KCNT2: variants seen among roughly 807,000 people sequenced by gnomAD.
KCNT2 encodes potassium channel subfamily T member 2.
KCNT2 carries 67 observed loss-of-function variants against 153.8 expected under a neutral mutation model. The observed-to-expected ratio is 0.44, with a 90% CI of 0.36 to 0.53. The LOEUF (loss-of-function observed/expected upper bound fraction) is 0.53, where lower values mean the gene tolerates loss of function less well. KCNT2 is among the 20% of genes least tolerant of loss of function. The pLI is 0.00. For synonymous variants in KCNT2, 500 were observed against 458.8 expected, an observed-to-expected ratio of 1.09 and a Z score of -1.15; for missense variants, 975 against 1,354.8, an observed-to-expected ratio of 0.72 and a Z score of 4.40.
chr1:196,321,778 C>T (rs1663341278), intron 19 of KCNT2, among the ~76,000 whole-genome samples: 1 of 151,740 alleles, frequency 6.6e-6, no homozygotes, highest in Non-Finnish European at 1.5e-5. Flanking sequence ...TCTACTACAG[C>T]TATTGAAAAA....
rs757229347 is a variant in KCNT2 at position 196,467,684 on chromosome 1, A to T, written c.543+19T>A. On this transcript the variant is annotated intron_variant, in intron 7 of 27. Coordinates refer to ENST00000294725, the MANE Select transcript of KCNT2 (RefSeq NM_198503.5). ...GGTTTAAAAATATTTTCATATTTGC[A>T]CTTTAATTCTATACTTACAATCATA... The T allele has an allele frequency of 1.4e-6, 2 of 1,448,184 alleles. No individual in the cohort carries two copies. The highest frequency in any genetic ancestry group is 1.9e-6 in the Non-Finnish European group (2 of 1,039,916). 89.7% of individuals were successfully genotyped at this position (1,448,184 alleles called of 1,614,324 possible).
chr1:196,336,433 C>A (rs1233867872), intron 16 of KCNT2, among the ~76,000 whole-genome samples: 1 of 152,144 alleles, frequency 6.6e-6, no homozygotes, highest in Non-Finnish European at 1.5e-5. Flanking sequence ...CAAAATACAT[C>A]TTTTCACTTC....
chr1:196,246,747 G>A (rs1655482121), intron 26 of KCNT2, among the ~76,000 whole-genome samples: 1 of 151,796 alleles, frequency 6.6e-6, no homozygotes, highest in Non-Finnish European at 1.5e-5. Flanking sequence ...CCAGCCTCAT[G>A]GTATTTCAAA....
At chr1:196,278,030 A>T (rs925962823) in intron 25 of KCNT2, among the ~76,000 whole-genome samples, 2 of 152,136 alleles carry the variant, frequency 1.3e-5, no homozygotes, top group African/African-American at 4.8e-5. Context: ...TCATCATGGT[A>T]TCTAAAATCT....
chr1:196,383,789 A>T (rs571850534), intron 13 of KCNT2, among the ~76,000 whole-genome samples: 1 of 152,350 alleles, frequency 6.6e-6, no homozygotes, highest in South Asian at 2.1e-4. Context: ...TATATAAAGT[A>T]GGAAAATGTA....
At chr1:196,603,763 C>G (rs1052030156) in intron 1 of KCNT2, among the ~76,000 whole-genome samples, 2 of 152,204 alleles carry the variant, frequency 1.3e-5, no homozygotes, top group Non-Finnish European at 2.9e-5. Context: ...AAATGACCTT[C>G]TCTTCTATGG....
chr1:196,409,017 T>C (rs2148474922), intron 12 of KCNT2, among the ~76,000 whole-genome samples: 1 of 151,486 alleles, frequency 6.6e-6, no homozygotes, highest in South Asian at 2.1e-4. Flanking sequence ...TGCCATTTTA[T>C]ACTTCATGTA....
intron 14 of KCNT2, among the ~76,000 whole-genome samples, chr1:196,362,247 G>A (rs1667695043): frequency 2.0e-5 from 3 of 151,996 alleles, no homozygotes; most frequent in African/African-American, 4.8e-5. Flanking sequence ...AGGATTAAAG[G>A]GAAACAAAGT....
chr1:196,235,859 A>C (rs1480317831), intron 27 of KCNT2, 127 bp downstream of exon 27: 2 of 552,018 alleles, frequency 3.6e-6, no homozygotes, highest in African/African-American at 3.9e-5. Context: ...TATTTATAAA[A>C]TTAGGTATAG....
intron 1 of KCNT2, among the ~76,000 whole-genome samples, chr1:196,497,455 T>C (rs1336274607): frequency 6.6e-6 from 1 of 152,172 alleles, no homozygotes; most frequent in East Asian, 1.9e-4. Context: ...TTTTATTAGG[T>C]ATTATAAGTA....
intron 25 of KCNT2, among the ~76,000 whole-genome samples, chr1:196,267,064 A>C (rs112615838): frequency 0.05 from 7,678 of 152,210 alleles, 287 homozygotes; most frequent in Non-Finnish European, 0.072. Context: ...AGAACTCAAA[A>C]TTCTCTACCT....
At chr1:196,579,708 G>T (rs186748555) in intron 1 of KCNT2, among the ~76,000 whole-genome samples, 19 of 152,020 alleles carry the variant, frequency 1.2e-4, no homozygotes, top group Admixed American at 7.2e-4. Context: ...GGCCAGGCTG[G>T]TCTGGAACTC....
intron 8 of KCNT2, among the ~76,000 whole-genome samples, chr1:196,432,537 CA>C (rs1674257160): frequency 6.6e-6 from 1 of 152,120 alleles, no homozygotes; most frequent in East Asian, 1.9e-4. Context: ...GACATGGAGT[CA>C]AAAAGTATTC....
chr1:196,486,475 T>C (rs1161069144), intron 3 of KCNT2, among the ~76,000 whole-genome samples: 1 of 151,914 alleles, frequency 6.6e-6, no homozygotes, highest in Non-Finnish European at 1.5e-5. Context: ...ATATAGGAAC[T>C]TAGTAATGTG....
Position 196,469,020 on chromosome 1 carries a change from T to G in KCNT2, c.433A>C (p.Ile145Leu), listed in dbSNP as rs1330064992. 6.2e-7 allele frequency: 1 copy of G among 1,602,576 alleles called. No homozygotes were observed. The highest frequency in any genetic ancestry group is 8.5e-7 in the Non-Finnish European group (1 of 1,172,314). The change falls in exon 6 of 28, where the codon ATT becomes CTT. Residue 145 changes from isoleucine to leucine, a missense_variant. Around this residue, in one of 6 missense-constraint regions of KCNT2, gnomAD observed 140 missense variants for 216.0 expected, o/e 0.65. Transcript: ENST00000294725. ...ILRIPFILEI[I>L]NAVPFIISIF... The stretch of plus-strand genomic sequence containing the variant: ...GAGATAATGAAGGGAACTGCATTAA[T>G]TATTTCCAAGATGAAGGGTATTCGT...
At chr1:196,572,842 T>A (rs1193635651) in intron 1 of KCNT2, among the ~76,000 whole-genome samples, 1 of 152,050 alleles carries the variant, frequency 6.6e-6, no homozygotes, top group Admixed American at 6.6e-5. Flanking sequence ...GTCTAACATA[T>A]AATTTCCAGT....
chr1:196,394,634 A>G (rs1288149963), intron 13 of KCNT2, among the ~76,000 whole-genome samples: 1 of 151,622 alleles, frequency 6.6e-6, no homozygotes, highest in Non-Finnish European at 1.5e-5. Flanking sequence ...ATACTGAAGA[A>G]GAGTTTTAGT....
At chr1:196,242,407 T>G (rs1384097475) in intron 26 of KCNT2, among the ~76,000 whole-genome samples, 1 of 152,096 alleles carries the variant, frequency 6.6e-6, no homozygotes, top group Non-Finnish European at 1.5e-5. Flanking sequence ...TTTATTTTAA[T>G]AATTGGACCC....
chr1:196,426,200 A>G (rs1005227779), intron 10 of KCNT2, among the ~76,000 whole-genome samples: 1 of 152,028 alleles, frequency 6.6e-6, no homozygotes, highest in African/African-American at 2.4e-5. Context: ...TCATAAATCA[A>G]TAAATTCATC....
Sources: gnomAD v4.1 joint callset for allele counts (sites outside exome capture counted in the v4.1 genomes callset) on GRCh38, gnomAD v4.1.1 for gene constraint, gnomAD v4.1.1 regional missense constraint, MANE v1.5 for transcripts, NCBI Gene and HGNC (gene_info 2026-07-23, HGNC 2026-07-21) for gene names.